Variants in C2orf74 observed in about 807,000 individuals in gnomAD.
The protein encoded by C2orf74 is uncharacterized protein C2orf74.
C2orf74 carries 14 observed loss-of-function variants against 17.9 expected under a neutral mutation model. The observed-to-expected ratio is 0.78, with a 90% CI of 0.52 to 1.22. The LOEUF is 1.22. C2orf74 is among the 50% of genes most tolerant of loss of function. The pLI is 0.00. For synonymous variants in C2orf74, 79 were observed against 72.6 expected (o/e 1.09, Z -0.44); for missense variants, 217 against 218.4 (o/e 0.99, Z 0.04).
chr2:61,159,555 C>T (rs1685501228), upstream of C2orf74: 1 of 167,242 alleles, frequency 6.0e-6, no homozygotes. Flanking sequence ...CTTGGCCTCC[C>T]AAAGTGCTGG....
upstream of C2orf74, among the ~76,000 whole-genome samples, chr2:61,161,353 T>C (rs1573721720): frequency 6.6e-6 from 1 of 152,242 alleles, no homozygotes; most frequent in Non-Finnish European, 1.5e-5. Flanking sequence ...AATATGATGA[T>C]AGTTGTAGGA....
rs756685654 is a variant in C2orf74 at position 61,164,503 on chromosome 2, T to G, written c.540T>G (p.Thr180=). Residue 180 remains threonine, a synonymous_variant, in exon 5 of 5, where the codon ACT becomes ACG. Transcript: ENST00000432605. ...GNEYPTPRSY[T]REHKERK ...AATACCCTACACCTCGAAGCTATACTCGAGAACATAAAGAGAGGAAATGAA... is the reference window on the plus strand; with the variant it reads ...AATACCCTACACCTCGAAGCTATACGCGAGAACATAAAGAGAGGAAATGAA... 8 of 1,539,944 alleles carry G rather than the reference T, an allele frequency of 5.2e-6. No individual in the cohort carries two copies. The highest frequency in any genetic ancestry group is 7.0e-6 in the Non-Finnish European group (8 of 1,143,034).
intron 1 of C2orf74, among the ~76,000 whole-genome samples, chr2:61,149,176 A>G (rs935488047): frequency 4.6e-5 from 7 of 152,176 alleles, no homozygotes; most frequent in Non-Finnish European, 7.3e-5. Context: ...CTCTGACTTC[A>G]AGCATGGCTT....
intron 1 of C2orf74, among the ~76,000 whole-genome samples, chr2:61,149,952 A>G (rs545778800): frequency 6.6e-6 from 1 of 152,160 alleles, no homozygotes; most frequent in South Asian, 2.1e-4. Context: ...AGATTTGAGT[A>G]AACAGAGGAA....
At chr2:61,154,026 GTCAGGAGT>G (rs1370326989) in intron 1 of C2orf74, among the ~76,000 whole-genome samples, 5 of 152,096 alleles carry the variant, frequency 3.3e-5, no homozygotes, top group Non-Finnish European at 5.9e-5. Flanking sequence ...ATCACTTGAG[GTCAGGAGT>G]TCAAGACCAT....
intron 1 of C2orf74, among the ~76,000 whole-genome samples, chr2:61,153,381 T>C (rs959302565): frequency 5.3e-5 from 8 of 151,044 alleles, no homozygotes; most frequent in African/African-American, 1.5e-4. Context: ...CCTGGGTTCA[T>C]GCCATTCTCC....
intron 1 of C2orf74, among the ~76,000 whole-genome samples, chr2:61,153,503 C>CA (rs1685301478): frequency 6.6e-6 from 1 of 151,392 alleles, no homozygotes; most frequent in African/African-American, 2.4e-5. Context: ...AGGGTGGTCT[C>CA]AATCTCCTGA....
rs147421243 is a variant in C2orf74 at position 61,145,195 on chromosome 2, T to C, written c.-123T>C. The C allele has an allele frequency of 5.5e-3, 837 of 152,394 alleles. 10 individuals are homozygous for C. Among genetic ancestry groups the C allele is most frequent in the Middle Eastern group, 0.051 (15 of 294 alleles). 9.4% of individuals were successfully genotyped at this position (152,394 alleles called of 1,614,324 possible). On this transcript the variant is annotated splice_region_variant and 5_prime_UTR_variant, in exon 1 of 4. Coordinates refer to the C2orf74 transcript ENST00000426997. ...GATTCCAGACTCGTGGGGGAAAGGCTGGTATGTTCGTTTTATAACAGGAGT... is the reference window on the plus strand; with the variant it reads ...GATTCCAGACTCGTGGGGGAAAGGCCGGTATGTTCGTTTTATAACAGGAGT...
At chr2:61,160,283 C>T (rs1326100394), upstream of C2orf74, among the ~76,000 whole-genome samples, 1 of 152,096 alleles carries the variant, frequency 6.6e-6, no homozygotes, top group Non-Finnish European at 1.5e-5. Flanking sequence ...GCCTTGGCCC[C>T]CCAAGTAGCT....
At chr2:61,150,589 A>G (rs1424562311) in intron 1 of C2orf74, among the ~76,000 whole-genome samples, 1 of 152,182 alleles carries the variant, frequency 6.6e-6, no homozygotes, top group East Asian at 1.9e-4. Context: ...AGTCAGTCAG[A>G]TGCAGCTACA....
At chr2:61,163,622 T>A (rs953219274) in intron 4 of C2orf74, among the ~76,000 whole-genome samples, 6 of 150,860 alleles carry the variant, frequency 4.0e-5, no homozygotes, top group Non-Finnish European at 5.9e-5. Flanking sequence ...ATAATAATAA[T>A]AAATAATAAT....
chr2:61,163,982 A>G (rs539830501), intron 4 of C2orf74, among the ~76,000 whole-genome samples: 2 of 152,140 alleles, frequency 1.3e-5, no homozygotes, highest in South Asian at 4.1e-4. Context: ...AGGGTCCTAC[A>G]ACAGCACACA....
chr2:61,147,362 G>C (rs189195465), intron 1 of C2orf74, among the ~76,000 whole-genome samples: 1 of 152,090 alleles, frequency 6.6e-6, no homozygotes, highest in East Asian at 1.9e-4. Context: ...ACTTTTCCCA[G>C]ACAATAATAT....
At position 61,164,504 on chromosome 2, in the gene C2orf74, C is replaced by T. The variant is rs376938479; in HGVS notation, c.541C>T (p.Arg181Ter). 36 of 1,536,912 alleles carry T rather than the reference C, an allele frequency of 2.3e-5. No individual in the cohort carries two copies. The highest frequency in any genetic ancestry group is 1.7e-4 in the Middle Eastern group (1 of 5,962). Reference sequence around the variant, plus strand: ...ATACCCTACACCTCGAAGCTATACTCGAGAACATAAAGAGAGGAAATGAAG... The same window carrying T: ...ATACCCTACACCTCGAAGCTATACTTGAGAACATAAAGAGAGGAAATGAAG... ...NEYPTPRSYT[R>*]EHKERK The change falls in exon 5 of 5, where the codon CGA (arginine) becomes TGA (stop). Residue 181 changes from arginine (R) to a stop codon, truncating the protein, a stop_gained. Coordinates refer to ENST00000432605, the MANE Select transcript of C2orf74 (RefSeq NM_001143959.4). LOFTEE classifies it high-confidence loss of function.
At chr2:61,151,442 A>T (rs1685225625) in intron 1 of C2orf74, 1 of 150,724 alleles carries the variant, frequency 6.6e-6, no homozygotes, top group Non-Finnish European at 1.5e-5. Flanking sequence ...CTTAATTCAA[A>T]CATTTATTAA....
chr2:61,145,756 C>T (rs528027247), intron 1 of C2orf74, among the ~76,000 whole-genome samples: 2 of 152,106 alleles, frequency 1.3e-5, no homozygotes, highest in East Asian at 3.9e-4. Flanking sequence ...AGACAGGTGG[C>T]ACGATCACAG....
At chr2:61,148,837 C>G (rs1685142932) in intron 1 of C2orf74, among the ~76,000 whole-genome samples, 1 of 152,204 alleles carries the variant, frequency 6.6e-6, no homozygotes, top group South Asian at 2.1e-4. Flanking sequence ...CTGCCTCAGC[C>G]TCCTGAGTAT....
intron 1 of C2orf74, among the ~76,000 whole-genome samples, chr2:61,157,035 T>A (rs1685411862): frequency 6.6e-6 from 1 of 152,196 alleles, no homozygotes; most frequent in South Asian, 2.1e-4. Context: ...GATTGATTGA[T>A]TGACTGATCG....
rs879557580 is a variant in C2orf74 at position 61,162,317 on chromosome 2, C to T, written c.-103C>T. 4.1e-5 allele frequency: 24 copies of T among 590,532 alleles called. No homozygotes were observed. Among genetic ancestry groups the T allele is most frequent in the Non-Finnish European group, 6.8e-5 (23 of 335,804 alleles). 36.6% of individuals were successfully genotyped at this position (590,532 alleles called of 1,614,324 possible). A position where few individuals can be genotyped will look rare whatever the true frequency, so the allele number is the denominator to read the frequency against. Reference sequence around the variant, plus strand: ...ACCACAGTTATGGAGAGAAATTAGCCAGTGTGAGTCAACTCTGCAACAAGC... The same window carrying T: ...ACCACAGTTATGGAGAGAAATTAGCTAGTGTGAGTCAACTCTGCAACAAGC... On this transcript the variant is annotated 5_prime_UTR_variant, in exon 1 of 5. Transcript: ENST00000432605.
Sources: allele counts gnomAD v4.1 joint callset (sites outside exome capture counted in the v4.1 genomes callset), GRCh38; gene constraint gnomAD v4.1.1; transcripts MANE v1.5; gene names NCBI Gene and HGNC (gene_info 2026-07-23, HGNC 2026-07-21).